Variants in LINGO2 observed in about 807,000 individuals in gnomAD.
LINGO2 encodes leucine-rich repeat and immunoglobulin-like domain-containing nogo receptor-interacting protein 2.
LINGO2 carries 14 observed loss-of-function variants against 30.6 expected under a neutral mutation model. The observed-to-expected ratio is 0.46, with a 90% CI of 0.30 to 0.72. LINGO2 has a LOEUF of 0.72. Among genes scored for constraint, LINGO2 ranks in the 30% least tolerant of loss-of-function variants. The pLI is 0.07. For missense variants in LINGO2, 729 were observed against 751.7 expected (o/e 0.97, Z 0.35); for synonymous variants, 317 against 288.5 (o/e 1.10, Z -1.00).
intron 3 of LINGO2, among the ~76,000 whole-genome samples, chr9:28,345,849 A>T (rs1197685170): frequency 6.6e-6 from 1 of 152,184 alleles, no homozygotes; most frequent in Non-Finnish European, 1.5e-5. Context: ...AGTTAAAATA[A>T]ATGTTTCCTA....
chr9:28,103,659 A>C (rs1826482375), intron 4 of LINGO2, among the ~76,000 whole-genome samples: 2 of 152,178 alleles, frequency 1.3e-5, no homozygotes, highest in Non-Finnish European at 2.9e-5. Flanking sequence ...TAGCCTAATC[A>C]AGATTGCTGA....
intron 4 of LINGO2, among the ~76,000 whole-genome samples, chr9:28,175,467 T>C (rs957602465): frequency 1.3e-5 from 2 of 152,180 alleles, no homozygotes; most frequent in Non-Finnish European, 2.9e-5. Context: ...CTCAGAACTG[T>C]AGTTTTACCT....
the LINGO2 span, among the ~76,000 whole-genome samples, chr9:28,944,944 T>C: frequency 3.9e-5 from 6 of 152,194 alleles, no homozygotes; most frequent in Admixed American, 6.5e-5. Context: ...ACTCTACTGA[T>C]GCTTTTCAAA....
intron 4 of LINGO2, among the ~76,000 whole-genome samples, chr9:28,262,760 G>A (rs1822609393): frequency 6.6e-6 from 1 of 152,048 alleles, no homozygotes; most frequent in African/African-American, 2.4e-5. Context: ...AAGTTACTAA[G>A]TTCTTATATA....
chr9:28,893,800 T>C, the LINGO2 span, among the ~76,000 whole-genome samples: 1 of 152,016 alleles, frequency 6.6e-6, no homozygotes, highest in Non-Finnish European at 1.5e-5. Flanking sequence ...GTGCACAATG[T>C]GCAGGTTAGT....
intron 4 of LINGO2, among the ~76,000 whole-genome samples, chr9:28,257,510 AG>A (rs530006249): frequency 1.8e-4 from 27 of 152,068 alleles, no homozygotes; most frequent in Admixed American, 1.2e-3. Context: ...GCTAATTCAG[AG>A]TTCAGAGAAA....
At chr9:29,126,642 G>C in the LINGO2 span, among the ~76,000 whole-genome samples, 1 of 151,936 alleles carries the variant, frequency 6.6e-6, no homozygotes, top group Non-Finnish European at 1.5e-5. Context: ...TTTATGTAGG[G>C]CTTAATGGTC....
intron 2 of LINGO2, among the ~76,000 whole-genome samples, chr9:28,430,953 C>T (rs1285749688): frequency 1.3e-5 from 2 of 149,776 alleles, no homozygotes; most frequent in Admixed American, 6.7e-5. Context: ...CTGAGGGCCT[C>T]GTTTCCTTGT....
intron 4 of LINGO2, among the ~76,000 whole-genome samples, chr9:28,195,254 TTAATTA>T (rs1387787009): frequency 5.9e-5 from 9 of 151,840 alleles, no homozygotes; most frequent in Non-Finnish European, 1.2e-4. Flanking sequence ...GTGATAGTTA[TTAATTA>T]GACCTACCTG....
the LINGO2 span, among the ~76,000 whole-genome samples, chr9:29,102,238 T>A: frequency 6.6e-6 from 1 of 151,652 alleles, no homozygotes; most frequent in Non-Finnish European, 1.5e-5. Flanking sequence ...CCCGTCACCA[T>A]GCCCGGCTAA....
At chr9:28,432,336 G>A (rs1478262891) in intron 2 of LINGO2, among the ~76,000 whole-genome samples, 1 of 151,868 alleles carries the variant, frequency 6.6e-6, no homozygotes, top group Non-Finnish European at 1.5e-5. Flanking sequence ...GTGAGCTGAA[G>A]TTGTACCTGA....
chr9:28,308,167 C>G (rs1268356758), intron 3 of LINGO2, among the ~76,000 whole-genome samples: 3 of 130,164 alleles, frequency 2.3e-5, no homozygotes, highest in African/African-American at 7.7e-5. Flanking sequence ...ATCACGCTAC[C>G]TGACTTCAAA....
the LINGO2 span, among the ~76,000 whole-genome samples, chr9:29,112,298 C>A: frequency 6.6e-6 from 1 of 152,220 alleles, no homozygotes; most frequent in South Asian, 2.1e-4. Context: ...CACTTGTGAA[C>A]TTGGCAGAAG....
intron 4 of LINGO2, among the ~76,000 whole-genome samples, chr9:28,051,504 T>A (rs1007049700): frequency 4.6e-5 from 7 of 152,076 alleles, no homozygotes; most frequent in African/African-American, 1.4e-4. Context: ...ATCCAAAAAA[T>A]TTATGAAGTG....
chr9:28,719,061 G>C, the LINGO2 span, among the ~76,000 whole-genome samples: 2 of 151,908 alleles, frequency 1.3e-5, no homozygotes, highest in East Asian at 3.9e-4. Flanking sequence ...CCATCGGATG[G>C]AAACTCCCAA....
intron 4 of LINGO2, among the ~76,000 whole-genome samples, chr9:28,271,351 T>C (rs1010194550): frequency 5.9e-5 from 9 of 152,178 alleles, no homozygotes; most frequent in African/African-American, 2.2e-4. Context: ...AAGACTTCCA[T>C]ATTTACAGAG....
the LINGO2 span, among the ~76,000 whole-genome samples, chr9:29,082,466 C>A: frequency 1.3e-5 from 2 of 152,034 alleles, no homozygotes; most frequent in African/African-American, 4.8e-5. Context: ...AGACCAAAAA[C>A]CATAAGAATT....
At chr9:28,194,419 T>A (rs2133789672) in intron 4 of LINGO2, among the ~76,000 whole-genome samples, 1 of 152,022 alleles carries the variant, frequency 6.6e-6, no homozygotes, top group South Asian at 2.1e-4. Flanking sequence ...GCAAAAGAAG[T>A]GAAGTAAATT....
intron 3 of LINGO2, among the ~76,000 whole-genome samples, chr9:28,314,998 A>G (rs1361152665): frequency 6.6e-5 from 9 of 136,392 alleles, no homozygotes; most frequent in African/African-American, 2.2e-4. Context: ...TGACAGAGCA[A>G]GACTACGTCT....
Sources: allele counts gnomAD v4.1 joint callset (sites outside exome capture counted in the v4.1 genomes callset), GRCh38; gene constraint gnomAD v4.1.1; transcripts MANE v1.5; gene names NCBI Gene and HGNC (gene_info 2026-07-23, HGNC 2026-07-21).